The following TMOD1 variants were observed in gnomAD, a reference collection of about 807,000 sequenced individuals.
TMOD1 encodes the protein tropomodulin-1.
Under a neutral mutation model 40.6 loss-of-function variants are expected in TMOD1, and 17 were observed. The ratio of observed to expected loss-of-function variants is 0.42; its 90% CI spans 0.29 to 0.63. The LOEUF is 0.63. TMOD1 is among the 20% of genes least tolerant of loss of function. The pLI is 0.22. For synonymous variants in TMOD1, 181 were observed against 175.0 expected, an observed-to-expected ratio of 1.03 and a Z score of -0.27; for missense variants, 391 against 447.6, an observed-to-expected ratio of 0.87 and a Z score of 1.14.
Position 97,601,080 on chromosome 9 carries a change from G to A in TMOD1, c.*1382G>A, listed in dbSNP as rs568076284. 1.7e-5 allele frequency: 22 copies of A among 1,304,260 alleles called. No individual in the cohort carries two copies. The highest frequency in any genetic ancestry group is 2.1e-4 in the Middle Eastern group (1 of 4,698). 80.8% of individuals were successfully genotyped at this position (1,304,260 alleles called of 1,614,324 possible). On this transcript the variant is annotated 3_prime_UTR_variant, in exon 10 of 10. Transcript: ENST00000259365. ...TGGGCAGTACAGGGTAACTGGAGGC[G>A]GGGCCAGGGCCTCAGCGCTATGGAA...
chr9:97,579,290 A>T (rs1761121749), intron 8 of TMOD1, among the ~76,000 whole-genome samples: 2 of 152,076 alleles, frequency 1.3e-5, no homozygotes. Context: ...TCCTCCATTC[A>T]ATTCAATTCT....
intron 3 of TMOD1, 68 bp downstream of exon 3, chr9:97,546,409 G>C: frequency 6.6e-7 from 1 of 1,514,966 alleles, no homozygotes; most frequent in Non-Finnish European, 8.9e-7. Context: ...CTGTATGCCA[G>C]GCCCTGCCAG....
rs1180850988 is a variant in TMOD1, at chr9:97,581,265, A to G, written c.871-10026A>G. On this transcript the variant is annotated intron_variant, in intron 8 of 9. Transcript: ENST00000259365. ...CGGTGTTTGGTTTTTTGTTCTTGCG[A>G]TAGTTTACTGAGAATGATGATTTCC... 1.6e-3 allele frequency among the ~76,000 whole-genome samples: 226 copies of G among 143,954 alleles called. 2 individuals carry two copies. The highest frequency in any genetic ancestry group is 5.6e-3 in the African/African-American group (215 of 38,432). 94.4% of individuals were successfully genotyped at this position (143,954 alleles called of 152,430 possible).
intron 7 of TMOD1, among the ~76,000 whole-genome samples, chr9:97,568,602 G>C (rs972807376): frequency 1.3e-5 from 2 of 152,188 alleles, no homozygotes; most frequent in Admixed American, 1.3e-4. Flanking sequence ...GGCATGGGGA[G>C]CTGCGAGTAG....
At chr9:97,571,379 C>G (rs1024659703) in intron 8 of TMOD1, among the ~76,000 whole-genome samples, 2 of 152,182 alleles carry the variant, frequency 1.3e-5, no homozygotes, top group African/African-American at 4.8e-5. Flanking sequence ...CATTTACTTC[C>G]CTGAGCCTCC....
At chr9:97,503,497 C>A (rs1258625567) in intron 1 of TMOD1, among the ~76,000 whole-genome samples, 1 of 152,134 alleles carries the variant, frequency 6.6e-6, no homozygotes, top group Non-Finnish European at 1.5e-5. Context: ...GCCACACAAC[C>A]AACAGGCAGA....
At chr9:97,509,228 T>C (rs1374391100) in intron 1 of TMOD1, among the ~76,000 whole-genome samples, 2 of 152,240 alleles carry the variant, frequency 1.3e-5, no homozygotes, top group Non-Finnish European at 2.9e-5. Flanking sequence ...TAGTCTGCAC[T>C]TCTTCATCTG....
chr9:97,559,819 A>G (rs76604711), intron 4 of TMOD1, among the ~76,000 whole-genome samples: 35 of 41,314 alleles, frequency 8.5e-4, no homozygotes, highest in African/African-American at 3.1e-3. Flanking sequence ...ATATATATAT[A>G]TATATGTCTA....
intron 1 of TMOD1, among the ~76,000 whole-genome samples, chr9:97,508,809 CA>C (rs1344805124): frequency 6.6e-6 from 1 of 152,154 alleles, no homozygotes; most frequent in Admixed American, 6.5e-5. Flanking sequence ...ATGGTCTTTA[CA>C]AATGTAATTA....
At position 97,564,151 on chromosome 9, in the gene TMOD1, A is replaced by G; in HGVS notation, c.601A>G (p.Asn201Asp). 6.2e-7 allele frequency: 1 copy of G among 1,606,884 alleles called. No individual in the cohort carries two copies. The highest frequency in any genetic ancestry group is 1.7e-4 in the Middle Eastern group (1 of 6,060). The stretch of plus-strand genomic sequence containing the variant: ...CAACGACCCAAAACTTGAAGAAGTT[A>G]ACCTCAATAATATCCGGGTAAGGTC... The part of the protein sequence containing the change: ...KNNDPKLEEV[N>D]LNNIRNIPIP... Residue 201 changes from asparagine (N) to aspartate (D), a missense_variant, in exon 6 of 10, where the codon AAC (asparagine) becomes GAC (aspartate). Asn to Asp is a conservative substitution (Grantham distance 23). Transcript: ENST00000259365.
chr9:97,514,245 G>GTGT (rs1554753242), intron 1 of TMOD1, among the ~76,000 whole-genome samples: 1 of 143,238 alleles, frequency 7.0e-6, no homozygotes, highest in Non-Finnish European at 1.5e-5. Context: ...TTTTTTGGGG[G>GTGT]GGGGGTTGTG....
chr9:97,592,611 G>A lies in TMOD1; in HGVS notation c.1015+1176G>A, dbSNP rs543961639. ...CTCCACTCAAAGTATGTCACTTCCT[G>A]GTGATTTATCTGAGGCCAGGTCACT... On this transcript the variant is annotated intron_variant, in intron 9 of 9. Transcript: ENST00000259365. 3.3e-5 allele frequency among the ~76,000 whole-genome samples: 5 copies of A among 152,264 alleles called. No individual in the cohort carries two copies. In the East Asian group the frequency reaches 7.7e-4, roughly 23 times the overall value.
intron 1 of TMOD1, among the ~76,000 whole-genome samples, chr9:97,511,984 G>T (rs936935928): frequency 6.6e-6 from 1 of 152,162 alleles, no homozygotes; most frequent in Non-Finnish European, 1.5e-5. Flanking sequence ...CCTCTGGGGA[G>T]CCACAGACCT....
intron 9 of TMOD1, among the ~76,000 whole-genome samples, chr9:97,593,631 C>G (rs1210829099): frequency 6.6e-6 from 1 of 152,074 alleles, no homozygotes; most frequent in East Asian, 1.9e-4. Flanking sequence ...AAAAAAGACT[C>G]AAAGGCATGC....
intron 8 of TMOD1, 44 bp downstream of exon 8, chr9:97,569,081 C>T: frequency 6.2e-6 from 10 of 1,604,294 alleles, no homozygotes; most frequent in Non-Finnish European, 7.7e-6. Flanking sequence ...CTACATGCAG[C>T]TCGCTGGCCT....
At chr9:97,508,047 T>C (rs938699140) in intron 1 of TMOD1, among the ~76,000 whole-genome samples, 13 of 143,642 alleles carry the variant, frequency 9.1e-5, no homozygotes, top group African/African-American at 3.4e-4. Flanking sequence ...ACACAATCTA[T>C]CTTCCTGATT....
Position 97,522,899 on chromosome 9 carries a change from C to A in TMOD1, c.-48-1242C>A, listed in dbSNP as rs112393733. Among the ~76,000 whole-genome samples the A allele has an allele frequency of 1.5e-4, 23 of 152,228 alleles. 1 individual carries two copies. Among genetic ancestry groups the A allele is most frequent in the African/African-American group, 5.3e-4 (22 of 41,546 alleles). On this transcript the variant is annotated intron_variant, in intron 1 of 9. Coordinates refer to ENST00000259365, the MANE Select transcript of TMOD1 (RefSeq NM_003275.4). ...TTTTTAGGAGACACATATAACTCAT[C>A]ACACTGATTCTATGCACAGTACTAC...
At chr9:97,548,343 G>T (rs1236487207) in intron 3 of TMOD1, among the ~76,000 whole-genome samples, 3 of 152,156 alleles carry the variant, frequency 2.0e-5, no homozygotes, top group Non-Finnish European at 4.4e-5. Flanking sequence ...TGGACTTGGA[G>T]CTCAGTCCAG....
chr9:97,556,018 C>G (rs989640193), intron 4 of TMOD1, among the ~76,000 whole-genome samples: 2 of 151,774 alleles, frequency 1.3e-5, no homozygotes, highest in Non-Finnish European at 2.9e-5. Context: ...TTAGAAAAGG[C>G]TCTGGATGCC....
Sources: gnomAD v4.1 joint callset for allele counts (sites outside exome capture counted in the v4.1 genomes callset) on GRCh38, gnomAD v4.1.1 for gene constraint, MANE v1.5 for transcripts, NCBI Gene and HGNC (gene_info 2026-07-23, HGNC 2026-07-21) for gene names.